SEMA6A: variants seen among roughly 807,000 people sequenced by gnomAD.
SEMA6A encodes the protein semaphorin 6A, also known as semaphorin-6A.
A neutral mutation model predicts 96.8 loss-of-function variants in SEMA6A; 25 were observed. That is an observed-to-expected ratio of 0.26 (90% CI 0.19 to 0.36). The LOEUF (loss-of-function observed/expected upper bound fraction) is 0.36. Among genes scored for constraint, SEMA6A ranks in the 10% least tolerant of loss-of-function variants. SEMA6A has a pLI of 1.00. For missense variants in SEMA6A, 1,363 were observed against 1,323.1 expected (o/e 1.03, Z -0.47); for synonymous variants, 612 against 518.0 (o/e 1.18, Z -2.46).
At chr5:116,502,714 G>A (rs150760475) in intron 2 of SEMA6A, 257 of 177,226 alleles carry the variant, frequency 1.5e-3, no homozygotes, top group African/African-American at 4.2e-3. Context: ...ATCTTGTCTC[G>A]GGACAAAACT....
Position 116,447,073 on chromosome 5 carries a change from G to A in SEMA6A, c.2633C>T (p.Pro878Leu). 2.5e-6 allele frequency: 4 copies of A among 1,613,950 alleles called. No individual in the cohort carries two copies. The highest frequency in any genetic ancestry group is 3.4e-6 in the Non-Finnish European group (4 of 1,179,880). Residue 878 changes from proline to leucine, a missense_variant, in exon 19 of 19, where the codon CCC becomes CTC. Coordinates refer to ENST00000343348, the MANE Select transcript of SEMA6A (RefSeq NM_020796.5). ...VNLVENLDSL[P>L]PKVPQREASL... ...GGCCTCCCGCTGTGGAACTTTGGGG[G>A]GCAGGCTGTCCAGGTTCTCCACAAG... is the stretch of plus-strand genomic sequence containing the variant.
chr5:116,529,491 C>A (rs1162505329), intron 1 of SEMA6A, among the ~76,000 whole-genome samples: 1 of 151,988 alleles, frequency 6.6e-6, no homozygotes. Context: ...ATACATGTAT[C>A]AAAATTTCAC....
chr5:116,482,840 T>C (rs760509938), intron 10 of SEMA6A, among the ~76,000 whole-genome samples: 6 of 152,182 alleles, frequency 3.9e-5, no homozygotes, highest in Non-Finnish European at 8.8e-5. Context: ...CTTGAACTGA[T>C]TTTATTTATA....
chr5:116,490,665 A>G (rs1487488306), intron 7 of SEMA6A, among the ~76,000 whole-genome samples: 1 of 152,122 alleles, frequency 6.6e-6, no homozygotes, highest in Non-Finnish European at 1.5e-5. Context: ...ACAATCTATC[A>G]CTGCAGATCC....
intron 1 of SEMA6A, among the ~76,000 whole-genome samples, chr5:116,525,855 A>C (rs1759198242): frequency 6.6e-6 from 1 of 152,200 alleles, no homozygotes. Flanking sequence ...ACTTTCAGCA[A>C]TTCAAATTAA....
chr5:116,468,823 C>G (rs1390323799), intron 17 of SEMA6A: 1 of 152,140 alleles, frequency 6.6e-6, no homozygotes, highest in Non-Finnish European at 1.5e-5. Flanking sequence ...TAATTGGTGC[C>G]TTTGGTGGAA....
rs987007152 is a variant in SEMA6A, at chr5:116,547,202, G to A, written c.-39+26983C>T. 2.0e-5 allele frequency among the ~76,000 whole-genome samples: 3 copies of A among 152,268 alleles called. No homozygotes were observed. In the South Asian group the frequency reaches 6.2e-4, roughly 32 times the overall value. On this transcript the variant is annotated intron_variant, in intron 1 of 18. Transcript: ENST00000343348. ...TCTAGTGGCATTAAGTAAATGCTAG[G>A]TAGTACTGTGGACATGCATACAAGT...
At chr5:116,462,714 G>C (rs1755489143) in intron 18 of SEMA6A, among the ~76,000 whole-genome samples, 1 of 152,174 alleles carries the variant, frequency 6.6e-6, no homozygotes, top group Non-Finnish European at 1.5e-5. Context: ...AGAGGGTATA[G>C]TGGTCATCAA....
intron 1 of SEMA6A, among the ~76,000 whole-genome samples, chr5:116,532,763 A>C (rs1759542060): frequency 6.6e-6 from 1 of 152,192 alleles, no homozygotes; most frequent in South Asian, 2.1e-4. Context: ...GGAAAAGAAA[A>C]AAAAAAGTCC....
At chr5:116,548,443 C>T (rs1261335881) in intron 1 of SEMA6A, among the ~76,000 whole-genome samples, 1 of 152,112 alleles carries the variant, frequency 6.6e-6, no homozygotes, top group Non-Finnish European at 1.5e-5. Context: ...GAATACATCT[C>T]AGGGTTTCTG....
In SEMA6A at chr5:116,518,478, C is replaced by G. The variant is rs528621558; in HGVS notation, c.-38-13496G>C. Among the ~76,000 whole-genome samples, 6 of 152,324 alleles carry G rather than the reference C, an allele frequency of 3.9e-5. No individual in the cohort carries two copies. In the East Asian group the frequency reaches 9.6e-4, roughly 24 times the overall value. ...ACAGCAATCACTTTAATTACCATCT[C>G]TGCCAGACCAGAATAAGGAGGAAAA... On this transcript the variant is annotated intron_variant, in intron 1 of 18. Coordinates refer to ENST00000343348, the MANE Select transcript of SEMA6A (RefSeq NM_020796.5).
At position 116,478,633 on chromosome 5, in the gene SEMA6A, T is replaced by C; in HGVS notation, c.1336A>G (p.Ile446Val). The C allele has an allele frequency of 6.2e-7, 1 of 1,613,676 alleles. No individual in the cohort carries two copies. Residue 446 changes from isoleucine (I) to valine (V), a missense_variant, in exon 13 of 19, where the codon ATC (isoleucine) becomes GTC (valine). Transcript: ENST00000343348. ...TVVFLGSEKG[I>V]ILKFLARIGN... ...ATTCTGGCCAAAAACTTCAAGATGA[T>C]TCCCTTCTCTGATCCCAGAAAAACC...
intron 17 of SEMA6A, chr5:116,468,884 C>A (rs1279406257): frequency 1.3e-5 from 2 of 151,982 alleles, no homozygotes; most frequent in East Asian, 3.8e-4. Context: ...GAAGTATGAT[C>A]ACCATGCACA....
intron 1 of SEMA6A, 67 bp from the exon 2 acceptor site, chr5:116,505,049 C>CCTGA: frequency 4.4e-6 from 3 of 681,040 alleles, no homozygotes. Flanking sequence ...AATGAAATAC[C>CCTGA]CTGAAAGATA....
chr5:116,537,943 G>C (rs145866329), intron 1 of SEMA6A, among the ~76,000 whole-genome samples: 4,605 of 152,154 alleles, frequency 0.03, 235 homozygotes, highest in African/African-American at 0.11. Context: ...TTGGGAGGCC[G>C]AGGCGGGCGG....
At chr5:116,573,447 C>T (rs1176765719) in intron 1 of SEMA6A, among the ~76,000 whole-genome samples, 1 of 152,138 alleles carries the variant, frequency 6.6e-6, no homozygotes, top group Non-Finnish European at 1.5e-5. Flanking sequence ...GGAGCTGCGG[C>T]GGGGGACAGG....
At chr5:116,490,246 A>G (rs1428786691) in intron 7 of SEMA6A, among the ~76,000 whole-genome samples, 2 of 152,234 alleles carry the variant, frequency 1.3e-5, no homozygotes, top group Non-Finnish European at 2.9e-5. Flanking sequence ...GGCCCAAAAA[A>G]TATCTACGAA....
chr5:116,539,757 T>C (rs963338979), intron 1 of SEMA6A, among the ~76,000 whole-genome samples: 3 of 152,184 alleles, frequency 2.0e-5, no homozygotes, highest in Admixed American at 2.0e-4. Flanking sequence ...AAATTATTTT[T>C]CAGGATTTTT....
intron 18 of SEMA6A, among the ~76,000 whole-genome samples, chr5:116,456,945 G>A (rs1015637126): frequency 2.0e-5 from 3 of 152,142 alleles, no homozygotes; most frequent in African/African-American, 4.8e-5. Flanking sequence ...AGAAACTCAC[G>A]AAGGTTCTTC....
Sources: allele counts gnomAD v4.1 joint callset (sites outside exome capture counted in the v4.1 genomes callset), GRCh38; gene constraint gnomAD v4.1.1; transcripts MANE v1.5; gene names NCBI Gene and HGNC (gene_info 2026-07-23, HGNC 2026-07-21).